Variants in TRPM1 observed in about 807,000 individuals in gnomAD.
TRPM1 encodes transient receptor potential cation channel subfamily M member 1.
In TRPM1, 113 loss-of-function variants were observed where a neutral mutation model predicts 149.4. The observed-to-expected ratio is 0.76, with a 90% confidence interval of 0.65 to 0.88. The LOEUF is 0.88. Ranked by LOEUF, TRPM1 falls within the 40% of genes least tolerant of loss-of-function variation. TRPM1 has a pLI of 0.00. For missense variants in TRPM1, 1,976 were observed against 2,038.7 expected, an observed-to-expected ratio of 0.97 and a Z score of 0.59; for synonymous variants, 741 against 759.5, an observed-to-expected ratio of 0.98 and a Z score of 0.40.
At position 31,003,010 on chromosome 15, in the gene TRPM1, A is replaced by G; in HGVS notation, c.3690T>C (p.Thr1230=). 6.3e-7 allele frequency: 1 copy of G among 1,594,770 alleles called. No homozygotes were observed. Among genetic ancestry groups the G allele is most frequent in the South Asian group, 1.2e-5 (1 of 86,454 alleles). ...EINERETFMK[T]SLQTVDLRLA... is the part of the protein sequence containing the mutation. ...GTCGAAGGTCAACAGTCTGCAGGGA[A>G]GTTTTCATAAAAGTTTCTCTTTCAT... The change falls in exon 28 of 28, where the codon ACT becomes ACC. Residue 1230 remains threonine, a synonymous_variant. Coordinates refer to ENST00000256552, the MANE Select transcript of TRPM1 (RefSeq NM_001252024.2).
At chr15:31,078,466 T>C (rs1412688841) in intron 2 of TRPM1, among the ~76,000 whole-genome samples, 1 of 152,156 alleles carries the variant, frequency 6.6e-6, no homozygotes. Flanking sequence ...ATAATAGAAA[T>C]GATGAAAATT....
At chr15:31,072,206 A>G (rs2034579294) in intron 3 of TRPM1, among the ~76,000 whole-genome samples, 1 of 151,838 alleles carries the variant, frequency 6.6e-6, no homozygotes, top group Non-Finnish European at 1.5e-5. Flanking sequence ...TCCCCAAGCC[A>G]TAAGCAACCT....
intron 24 of TRPM1, 122 bp from the exon 25 acceptor site, chr15:31,028,598 A>G: frequency 7.9e-7 from 1 of 1,272,362 alleles, no homozygotes; most frequent in Non-Finnish European, 1.1e-6. Flanking sequence ...TTTCATAAGC[A>G]ATATTTTTTC....
chr15:31,117,651 GAA>G (rs3080917), intron 1 of TRPM1, among the ~76,000 whole-genome samples: 5,045 of 131,266 alleles, frequency 0.038, 300 homozygotes, highest in African/African-American at 0.13. Flanking sequence ...CTGTCTCAAA[GAA>G]AAAAAAAAAA....
chr15:31,140,200 C>G (rs563332771), intron 1 of TRPM1, among the ~76,000 whole-genome samples: 1 of 139,622 alleles, frequency 7.2e-6, no homozygotes, highest in East Asian at 2.0e-4. Context: ...AACTCTGTCT[C>G]TACTAAAAAT....
chr15:31,135,079 T>C (rs1315483010), intron 1 of TRPM1, among the ~76,000 whole-genome samples: 5 of 152,242 alleles, frequency 3.3e-5, no homozygotes, highest in Admixed American at 2.6e-4. Flanking sequence ...ATTAAACTTT[T>C]GTTTGTTTCT....
In TRPM1 at chr15:31,002,682, G is replaced by C. The variant is rs1247185012; in HGVS notation, c.4018C>G (p.Pro1340Ala). 6.2e-7 allele frequency: 1 copy of C among 1,614,140 alleles called. No homozygotes were observed. Among genetic ancestry groups the C allele is most frequent in the Non-Finnish European group, 8.5e-7 (1 of 1,180,028 alleles). The change falls in exon 28 of 28, where the codon CCA becomes GCA. Residue 1340 changes from proline (P) to alanine (A), a missense_variant. Coordinates refer to ENST00000256552, the MANE Select transcript of TRPM1 (RefSeq NM_001252024.2). The stretch of plus-strand genomic sequence containing the variant: ...AGGTGAAGACTGTTCTGACATTCTG[G>C]GACTAGGTGCGTTTTCACGTCCTTC... ...EEKDVKTHLV[P>A]ECQNSLHLSL...
rs1348243047 is a variant in TRPM1 at position 31,050,488 on chromosome 15, C to T, written c.1358G>A (p.Gly453Glu). 1 of 1,614,106 alleles carries T rather than the reference C, an allele frequency of 6.2e-7. No individual in the cohort carries two copies. Among genetic ancestry groups the T allele is most frequent in the Middle Eastern group, 1.6e-4 (1 of 6,062 alleles). The change falls in exon 12 of 28, where the codon GGG becomes GAG. Residue 453 changes from glycine (G) to glutamate (E), a missense_variant. Gly to Glu is a moderately conservative substitution (Grantham distance 98). Around this residue, in one of 3 missense-constraint regions of TRPM1, gnomAD observed 1,332 missense variants for 1,347.1 expected, o/e 0.99. Transcript: ENST00000256552. The stretch of plus-strand genomic sequence containing the variant: ...CACTTTCCCTTTCTTCTTGCCTTTC[C>T]CTTTTCCTCTTCCTCCCTTGGTGGT... The part of the protein sequence containing the change: ...MATTKGGRGK[G>E]KGKKKGKVKE...
chr15:31,131,020 GT>G (rs1443362179), intron 1 of TRPM1, among the ~76,000 whole-genome samples: 2 of 152,212 alleles, frequency 1.3e-5, no homozygotes, highest in African/African-American at 4.8e-5. Context: ...GAAAAAAGAT[GT>G]GCAAATCAGT....
intron 27 of TRPM1, among the ~76,000 whole-genome samples, chr15:31,013,301 G>A (rs562358746): frequency 6.6e-6 from 1 of 152,120 alleles, no homozygotes; most frequent in Non-Finnish European, 1.5e-5. Context: ...ATGAGTCACT[G>A]TGCCTGACCT....
At chr15:31,082,985 C>T (rs1424106035) in intron 1 of TRPM1, among the ~76,000 whole-genome samples, 1 of 151,862 alleles carries the variant, frequency 6.6e-6, no homozygotes, top group Non-Finnish European at 1.5e-5. Flanking sequence ...GGGGGCGACC[C>T]ACAAGGAGGG....
intron 20 of TRPM1, chr15:31,036,039 T>C (rs2033352777): frequency 2.9e-6 from 1 of 340,506 alleles, no homozygotes; most frequent in African/African-American, 2.1e-5. Context: ...AAATGTTACT[T>C]ACTCCTCCCT....
chr15:31,094,226 T>C (rs1377251370), intron 1 of TRPM1, among the ~76,000 whole-genome samples: 1 of 152,196 alleles, frequency 6.6e-6, no homozygotes, highest in Non-Finnish European at 1.5e-5. Flanking sequence ...TGGATCAGAC[T>C]AAATTGTAAG....
chr15:31,127,253 A>G (rs895320564), intron 1 of TRPM1, among the ~76,000 whole-genome samples: 2 of 152,106 alleles, frequency 1.3e-5, no homozygotes, highest in African/African-American at 4.8e-5. Context: ...CAGTTTGTGT[A>G]TGTTTCTCAT....
intron 16 of TRPM1, among the ~76,000 whole-genome samples, 186 bp downstream of exon 16, chr15:31,046,018 G>C (rs534736252): frequency 6.6e-6 from 1 of 152,134 alleles, no homozygotes; most frequent in African/African-American, 2.4e-5. Flanking sequence ...GTTAGTTCTA[G>C]AAATGGATTG....
intron 1 of TRPM1, among the ~76,000 whole-genome samples, chr15:31,108,061 T>C (rs1052979282): frequency 1.3e-5 from 2 of 152,156 alleles, no homozygotes; most frequent in Non-Finnish European, 2.9e-5. Context: ...TTTCACCATA[T>C]TGGCCAGGCT....
chr15:31,066,265 G>A lies in TRPM1; in HGVS notation c.619-18C>T, dbSNP rs200174733. On this transcript the variant is annotated intron_variant, in intron 6 of 27. Coordinates refer to ENST00000256552, the MANE Select transcript of TRPM1 (RefSeq NM_001252024.2). ...CTTGTTACCTGACAAAGTGCACAGC[G>A]CAAATCAGACCTGCAGGACTTGGAT... The A allele has an allele frequency of 2.5e-5, 41 of 1,613,924 alleles. No homozygotes were observed. The highest frequency in any genetic ancestry group is 1.6e-4 in the Middle Eastern group (1 of 6,084).
In TRPM1 at chr15:31,038,101, G is replaced by T. The variant is rs1422427102; in HGVS notation, c.2382C>A (p.Phe794Leu). ...CATTTTCCTTGGATGTTTGATACGA[G>T]AAATCATCATATGTGCGAAATTCCA... is the stretch of plus-strand genomic sequence containing the variant. ...LFLEFRTYDDFSYQTSKENED... is the reference protein window; with the variant it reads ...LFLEFRTYDDLSYQTSKENED... Residue 794 changes from phenylalanine (F) to leucine (L), a missense_variant, in exon 19 of 28, where the codon TTC (phenylalanine) becomes TTA (leucine). By Grantham distance (22) the Phe-to-Leu change is conservative. Around this residue, in one of 3 missense-constraint regions of TRPM1, gnomAD observed 1,332 missense variants for 1,347.1 expected, o/e 0.99. Coordinates refer to ENST00000256552, the MANE Select transcript of TRPM1 (RefSeq NM_001252024.2). 6.2e-7 allele frequency: 1 copy of T among 1,614,110 alleles called. No individual in the cohort carries two copies. The highest frequency in any genetic ancestry group is 1.1e-5 in the South Asian group (1 of 91,080).
chr15:31,032,229 A>C (rs1274173795), intron 22 of TRPM1, among the ~76,000 whole-genome samples: 1 of 152,136 alleles, frequency 6.6e-6, no homozygotes, highest in East Asian at 1.9e-4. Context: ...TCTTACAAAA[A>C]AACGAGGCTA....
Sources: gnomAD v4.1 joint callset for allele counts (sites outside exome capture counted in the v4.1 genomes callset) on GRCh38, gnomAD v4.1.1 for gene constraint, gnomAD v4.1.1 regional missense constraint, MANE v1.5 for transcripts, NCBI Gene and HGNC (gene_info 2026-07-23, HGNC 2026-07-21) for gene names.